MMS22L: variants seen among roughly 807,000 people sequenced by gnomAD.
MMS22L encodes the protein MMS22 like, DNA repair protein.
MMS22L carries 74 observed loss-of-function variants against 159.1 expected under a neutral mutation model. That is an observed-to-expected ratio of 0.47 (90% CI 0.39 to 0.56). The LOEUF is 0.56. MMS22L is among the 20% of genes least tolerant of loss of function. The pLI is 0.00. For synonymous variants in MMS22L, 517 were observed against 506.9 expected, an observed-to-expected ratio of 1.02 and a Z score of -0.27; for missense variants, 1,351 against 1,422.1, an observed-to-expected ratio of 0.95 and a Z score of 0.80.
At chr6:97,259,853 A>G (rs1463616831) in intron 9 of MMS22L, 2 of 152,186 alleles carry the variant, frequency 1.3e-5, no homozygotes, top group Non-Finnish European at 2.9e-5. Flanking sequence ...TATAAAAACA[A>G]TACTGCAATA....
chr6:97,155,640 A>C (rs1282291349), intron 22 of MMS22L, among the ~76,000 whole-genome samples: 1 of 152,198 alleles, frequency 6.6e-6, no homozygotes, highest in Non-Finnish European at 1.5e-5. Flanking sequence ...AAAGGACATG[A>C]ACTCATCCTT....
chr6:97,270,416 G>A (rs1815607648), intron 6 of MMS22L: 2 of 362,446 alleles, frequency 5.5e-6, no homozygotes, highest in Non-Finnish European at 1.1e-5. Flanking sequence ...ACTTTAGACT[G>A]TCATGTAGAC....
intron 14 of MMS22L, among the ~76,000 whole-genome samples, chr6:97,202,179 G>C (rs1410497272): frequency 1.3e-5 from 2 of 152,102 alleles, no homozygotes; most frequent in African/African-American, 4.8e-5. Flanking sequence ...ACTCAAGCTG[G>C]AAAGGACATA....
At chr6:97,227,713 G>A (rs937160394) in intron 14 of MMS22L, among the ~76,000 whole-genome samples, 2 of 152,190 alleles carry the variant, frequency 1.3e-5, no homozygotes, top group African/African-American at 4.8e-5. Flanking sequence ...TATGATATTA[G>A]GAGGAGGGAA....
chr6:97,187,888 C>T (rs1222130909), intron 14 of MMS22L, among the ~76,000 whole-genome samples: 1 of 152,090 alleles, frequency 6.6e-6, no homozygotes, highest in Non-Finnish European at 1.5e-5. Context: ...ACATTAGGGC[C>T]TTGAGCCCCT....
intron 22 of MMS22L, among the ~76,000 whole-genome samples, chr6:97,159,541 G>T (rs1247397526): frequency 6.6e-6 from 1 of 151,720 alleles, no homozygotes; most frequent in East Asian, 1.9e-4. Flanking sequence ...ATAAATTTAT[G>T]TCTTTCAAAG....
At chr6:97,250,441 G>A (rs1237361342) in intron 10 of MMS22L, among the ~76,000 whole-genome samples, 4 of 152,074 alleles carry the variant, frequency 2.6e-5, no homozygotes, top group Non-Finnish European at 4.4e-5. Flanking sequence ...TATGTTCTGG[G>A]TACAGAAAAC....
chr6:97,173,201 T>C lies in MMS22L; in HGVS notation c.2701A>G (p.Asn901Asp), dbSNP rs1033193765. ...FFEAVGVTYG[N>D]VQTLSDKSAM... is the part of the protein sequence containing the mutation. ...GATTTATCAGAAAGTGTCTGGACGT[T>C]CCCGTAAGTTACACCAACAGCCTAT... Residue 901 changes from asparagine to aspartate, a missense_variant, in exon 19 of 25, where the codon AAC becomes GAC. Coordinates refer to ENST00000683635, the MANE Select transcript of MMS22L (RefSeq NM_001350599.2). The C allele has an allele frequency of 1.2e-6, 2 of 1,613,218 alleles. No individual in the cohort carries two copies. The highest frequency in any genetic ancestry group is 2.7e-5 in the African/African-American group (2 of 74,878).
chr6:97,273,373 T>C (rs78977291), intron 4 of MMS22L, among the ~76,000 whole-genome samples: 1 of 152,158 alleles, frequency 6.6e-6, no homozygotes, highest in Non-Finnish European at 1.5e-5. Context: ...TCCTTTGTCC[T>C]ACCTCTTTTA....
At chr6:97,248,531 T>G (rs893957294) in intron 10 of MMS22L, among the ~76,000 whole-genome samples, 1 of 152,190 alleles carries the variant, frequency 6.6e-6, no homozygotes, top group African/African-American at 2.4e-5. Context: ...AAAGCATTTA[T>G]TGGGAGAAAA....
At chr6:97,175,693 C>A (rs1018421813) in intron 18 of MMS22L, among the ~76,000 whole-genome samples, 3 of 152,076 alleles carry the variant, frequency 2.0e-5, no homozygotes, top group African/African-American at 7.2e-5. Context: ...CCTGCTAATA[C>A]CACCACCATT....
intron 8 of MMS22L, chr6:97,264,475 G>A (rs540274958): frequency 1.1e-4 from 17 of 151,752 alleles, no homozygotes; most frequent in East Asian, 1.9e-4. Context: ...AATATTTTAC[G>A]TAAGTTATGT....
rs1192551299 is a variant in MMS22L, at chr6:97,143,389, A to C, written c.*3417T>G. ...AAGAGATAAGCTTGAAGATAAAGGT[A>C]CAGTCAGATAGGTGGCAGAAAGTCT... On this transcript the variant is annotated 3_prime_UTR_variant, in exon 25 of 25. Transcript: ENST00000683635. 6.6e-6 allele frequency: 1 copy of C among 152,222 alleles called. No homozygotes were observed. 9.4% of individuals were successfully genotyped at this position (152,222 alleles called of 1,614,324 possible).
intron 14 of MMS22L, among the ~76,000 whole-genome samples, chr6:97,225,891 C>T (rs938286115): frequency 2.0e-5 from 3 of 152,118 alleles, no homozygotes; most frequent in African/African-American, 7.2e-5. Context: ...TCTTAGAATG[C>T]TTTTCTAAAT....
chr6:97,161,108 A>G (rs1228820167), intron 22 of MMS22L, among the ~76,000 whole-genome samples: 2 of 151,936 alleles, frequency 1.3e-5, no homozygotes, highest in Non-Finnish European at 2.9e-5. Flanking sequence ...TATGGATTGT[A>G]TGTGTCTGTT....
At chr6:97,195,729 T>C (rs1052376856) in intron 14 of MMS22L, among the ~76,000 whole-genome samples, 2 of 152,092 alleles carry the variant, frequency 1.3e-5, no homozygotes, top group Admixed American at 6.5e-5. Flanking sequence ...GGTGATATAA[T>C]GAAAAAAGTG....
At chr6:97,160,072 T>A (rs1342121801) in intron 22 of MMS22L, among the ~76,000 whole-genome samples, 1 of 151,250 alleles carries the variant, frequency 6.6e-6, no homozygotes, top group Non-Finnish European at 1.5e-5. Flanking sequence ...AAATACTATA[T>A]TTCTATAAGT....
At chr6:97,171,215 TA>T (rs1803511361) in intron 19 of MMS22L, among the ~76,000 whole-genome samples, 1 of 152,118 alleles carries the variant, frequency 6.6e-6, no homozygotes, top group African/African-American at 2.4e-5. Context: ...ACAATGGGAA[TA>T]AAAAATTCAA....
chr6:97,201,549 G>T (rs563679303), intron 14 of MMS22L, among the ~76,000 whole-genome samples: 1 of 152,158 alleles, frequency 6.6e-6, no homozygotes, highest in Non-Finnish European at 1.5e-5. Flanking sequence ...CTGCCTGGTC[G>T]TGTTAACAGG....
Sources: gnomAD v4.1 joint callset for allele counts (sites outside exome capture counted in the v4.1 genomes callset) on GRCh38, gnomAD v4.1.1 for gene constraint, MANE v1.5 for transcripts, NCBI Gene and HGNC (gene_info 2026-07-23, HGNC 2026-07-21) for gene names.